Variants in PTPRD observed in about 807,000 individuals in gnomAD.
PTPRD encodes the protein protein tyrosine phosphatase receptor type D, also known as receptor-type tyrosine-protein phosphatase delta.
A neutral mutation model predicts 214.5 loss-of-function variants in PTPRD; 34 were observed. The observed-to-expected ratio is 0.16, with a 90% CI of 0.12 to 0.21. The LOEUF is 0.21. Ranked by LOEUF, PTPRD falls within the 10% of genes least tolerant of loss-of-function variation. The probability of loss-of-function intolerance (pLI) is 1.00; values close to 1 mark genes in which losing one functional copy is unlikely to be tolerated. For synonymous variants in PTPRD, 1,128 were observed against 845.7 expected (o/e 1.33, Z -5.79); for missense variants, 2,545 against 2,398.7 (o/e 1.06, Z -1.27).
In PTPRD at chr9:8,521,483, C is replaced by T. The variant is rs2138902184; in HGVS notation, c.755G>A (p.Ser252Asn). Residue 252 changes from serine to asparagine, a missense_variant, in exon 20 of 46, where the codon AGC becomes AAC. Coordinates refer to ENST00000381196, the MANE Select transcript of PTPRD (RefSeq NM_002839.4). ...CACGGCCACACAGGTGATATTAACG[C>T]TTCCGCCTGGCATGATTTCATGATT... ...PTNHEIMPGG[S>N]VNITCVAVGS... 1.2e-6 allele frequency: 2 copies of T among 1,614,024 alleles called. No homozygotes were observed. Among genetic ancestry groups the T allele is most frequent in the Non-Finnish European group, 1.7e-6 (2 of 1,179,938 alleles).
chr9:9,875,624 A>G (rs1001133773), intron 5 of PTPRD, among the ~76,000 whole-genome samples: 2 of 152,252 alleles, frequency 1.3e-5, no homozygotes, highest in Middle Eastern at 3.4e-3. Flanking sequence ...TTGTAGGTTA[A>G]CAATGTCTTA....
intron 39 of PTPRD, among the ~76,000 whole-genome samples, chr9:8,344,423 T>G (rs936836582): frequency 4.6e-5 from 7 of 151,108 alleles, no homozygotes; most frequent in African/African-American, 1.7e-4. Flanking sequence ...ACTCCAACTC[T>G]AAACAGTATC....
At chr9:9,990,327 T>C (rs2095869500) in intron 4 of PTPRD, among the ~76,000 whole-genome samples, 1 of 152,250 alleles carries the variant, frequency 6.6e-6, no homozygotes, top group Non-Finnish European at 1.5e-5. Flanking sequence ...TACTGAAATG[T>C]AACTAAGTAC....
chr9:10,212,572 A>G (rs1437264088), intron 3 of PTPRD, among the ~76,000 whole-genome samples: 5 of 152,250 alleles, frequency 3.3e-5, no homozygotes, highest in African/African-American at 1.2e-4. Flanking sequence ...AAAGCTCCAA[A>G]TATTTACTCA....
At chr9:9,374,312 T>C (rs1241017666) in intron 9 of PTPRD, among the ~76,000 whole-genome samples, 1 of 152,090 alleles carries the variant, frequency 6.6e-6, no homozygotes, top group African/African-American at 2.4e-5. Flanking sequence ...TTATAAGGAA[T>C]ATAGTTATAT....
intron 4 of PTPRD, among the ~76,000 whole-genome samples, chr9:10,004,190 TA>T (rs1588663570): frequency 1.3e-5 from 2 of 151,672 alleles, no homozygotes; most frequent in African/African-American, 4.8e-5. Flanking sequence ...CTAAATACAT[TA>T]AAAAAAATTT....
chr9:8,669,193 C>T (rs1596479681), intron 12 of PTPRD, among the ~76,000 whole-genome samples: 1 of 152,118 alleles, frequency 6.6e-6, no homozygotes, highest in East Asian at 1.9e-4. Context: ...CACACAGCCC[C>T]ACTCTGGTAC....
chr9:9,387,912 T>C (rs2064426893), intron 9 of PTPRD, among the ~76,000 whole-genome samples: 1 of 152,200 alleles, frequency 6.6e-6, no homozygotes, highest in Admixed American at 6.5e-5. Flanking sequence ...GGGCATGTGT[T>C]ACAGGGTGCT....
chr9:9,299,781 GAC>G (rs1228563100), intron 9 of PTPRD, among the ~76,000 whole-genome samples: 2 of 151,284 alleles, frequency 1.3e-5, no homozygotes, highest in African/African-American at 4.9e-5. Context: ...TGAGGGAAAA[GAC>G]ACGCATGTGG....
chr9:10,284,980 T>G (rs1272886685), intron 3 of PTPRD, among the ~76,000 whole-genome samples: 1 of 152,220 alleles, frequency 6.6e-6, no homozygotes, highest in East Asian at 1.9e-4. Context: ...TTTTGGACAC[T>G]ATTCCAAATG....
intron 5 of PTPRD, among the ~76,000 whole-genome samples, chr9:9,935,180 T>A (rs924117863): frequency 2.0e-5 from 3 of 151,934 alleles, no homozygotes; most frequent in Admixed American, 6.6e-5. Flanking sequence ...AGGGATGCCC[T>A]CTCTCACCAC....
chr9:8,469,940 G>T (rs912740028), intron 31 of PTPRD, among the ~76,000 whole-genome samples: 1 of 152,094 alleles, frequency 6.6e-6, no homozygotes, highest in African/African-American at 2.4e-5. Context: ...TGCAGACATA[G>T]ATATGAAATA....
At chr9:10,361,278 A>G (rs74506052) in intron 2 of PTPRD, among the ~76,000 whole-genome samples, 5,933 of 152,240 alleles carry the variant, frequency 0.039, 632 homozygotes, top group East Asian at 0.3. Context: ...CATGTCATGG[A>G]GCTTCTTGAA....
intron 14 of PTPRD, among the ~76,000 whole-genome samples, chr9:8,599,018 T>C (rs1249052090): frequency 2.6e-5 from 4 of 152,184 alleles, no homozygotes; most frequent in Non-Finnish European, 1.5e-5. Flanking sequence ...CCCATAATTA[T>C]AACGTGTCCT....
intron 2 of PTPRD, among the ~76,000 whole-genome samples, chr9:10,447,789 A>T (rs1294060977): frequency 6.6e-6 from 1 of 151,916 alleles, no homozygotes; most frequent in African/African-American, 2.4e-5. Flanking sequence ...TCTATTATTT[A>T]CTGCTCTATT....
intron 2 of PTPRD, among the ~76,000 whole-genome samples, chr9:10,343,486 T>C (rs1597575760): frequency 6.6e-6 from 1 of 152,198 alleles, no homozygotes; most frequent in Non-Finnish European, 1.5e-5. Context: ...CCTTTGGGTA[T>C]ATACCCAGTA....
intron 5 of PTPRD, among the ~76,000 whole-genome samples, chr9:9,907,094 T>G (rs1051237319): frequency 5.3e-5 from 8 of 151,924 alleles, no homozygotes; most frequent in African/African-American, 1.9e-4. Context: ...TTCCTAATGA[T>G]GAGAGGAGTT....
rs2091876770 is a variant in PTPRD, at chr9:9,585,985, C to T, written c.-286-11204G>A. ...TATATTTGGCTTCCTCTGGTTAGTT[C>T]CGAGTTGGAAGCAGTGGATAAAAAT... On this transcript the variant is annotated intron_variant, in intron 7 of 45. Coordinates refer to ENST00000381196, the MANE Select transcript of PTPRD (RefSeq NM_002839.4). Among the ~76,000 whole-genome samples, 3 of 151,960 alleles carry T rather than the reference C, an allele frequency of 2.0e-5. No individual in the cohort carries two copies. The South Asian group carries it at 6.2e-4, about 31-fold the overall frequency.
chr9:8,929,943 G>A (rs1233298313), intron 11 of PTPRD, among the ~76,000 whole-genome samples: 1 of 137,944 alleles, frequency 7.2e-6, no homozygotes, highest in Admixed American at 7.9e-5. Context: ...ATATATATAT[G>A]TGTGTGTGTG....
Sources: allele counts gnomAD v4.1 joint callset (sites outside exome capture counted in the v4.1 genomes callset), GRCh38; gene constraint gnomAD v4.1.1; transcripts MANE v1.5; gene names NCBI Gene and HGNC (gene_info 2026-07-23, HGNC 2026-07-21).